SLC25A48: variants seen among roughly 807,000 people sequenced by gnomAD.
SLC25A48 encodes solute carrier family 25 member 48.
SLC25A48 carries 29 observed loss-of-function variants against 32.2 expected under a neutral mutation model. That is an observed-to-expected ratio of 0.90 (90% CI 0.67 to 1.23). The LOEUF is 1.23. Ranked by LOEUF, SLC25A48 falls within the 50% of genes most tolerant of loss-of-function variation. The pLI is 0.00. For synonymous variants in SLC25A48, 164 were observed against 172.3 expected (o/e 0.95, Z 0.38); for missense variants, 399 against 422.7 (o/e 0.94, Z 0.49).
chr5:135,798,597 A>G (rs747195022), intron 3 of SLC25A48, among the ~76,000 whole-genome samples: 8 of 151,476 alleles, frequency 5.3e-5, no homozygotes, highest in Non-Finnish European at 8.9e-5. Flanking sequence ...AGACGAAGGT[A>G]TTATGATTAA....
chr5:135,819,643 T>C (rs1757828326), intron 4 of SLC25A48, among the ~76,000 whole-genome samples: 1 of 152,198 alleles, frequency 6.6e-6, no homozygotes, highest in Non-Finnish European at 1.5e-5. Context: ...TGGGGGTTGA[T>C]ATAAATATTT....
chr5:135,868,175 T>C (rs1031026082), intron 4 of SLC25A48, among the ~76,000 whole-genome samples: 2 of 151,866 alleles, frequency 1.3e-5, no homozygotes, highest in African/African-American at 4.8e-5. Context: ...AAAACAAAAA[T>C]AAGAGGCCAG....
At chr5:135,856,616 G>C (rs551888335) in intron 4 of SLC25A48, among the ~76,000 whole-genome samples, 1 of 152,230 alleles carries the variant, frequency 6.6e-6, no homozygotes, top group African/African-American at 2.4e-5. Flanking sequence ...TGCAGCACGT[G>C]GGGAGACGCA....
At chr5:135,767,189 C>A (rs1342432405) in intron 3 of SLC25A48, among the ~76,000 whole-genome samples, 5 of 70,164 alleles carry the variant, frequency 7.1e-5, no homozygotes, top group East Asian at 7.1e-4. Flanking sequence ...ACAGGTACAC[C>A]CCCCCCCCGT....
intron 3 of SLC25A48, among the ~76,000 whole-genome samples, chr5:135,692,714 A>G (rs889204666): frequency 6.6e-6 from 1 of 152,208 alleles, no homozygotes; most frequent in South Asian, 2.1e-4. Context: ...GTTACATAGC[A>G]GAGTATCTCA....
intron 1 of SLC25A48, among the ~76,000 whole-genome samples, chr5:135,597,385 C>G (rs1209668586): frequency 6.6e-6 from 1 of 152,174 alleles, no homozygotes; most frequent in Non-Finnish European, 1.5e-5. Flanking sequence ...CAGGTTAGGG[C>G]TACCTGCCTC....
At chr5:135,707,950 C>T (rs978501851) in intron 3 of SLC25A48, among the ~76,000 whole-genome samples, 6 of 151,906 alleles carry the variant, frequency 3.9e-5, no homozygotes, top group Non-Finnish European at 8.8e-5. Flanking sequence ...ATGGATGGAT[C>T]GATGGATGGA....
At chr5:135,784,000 G>C (rs1300547769) in intron 3 of SLC25A48, among the ~76,000 whole-genome samples, 1 of 116,928 alleles carries the variant, frequency 8.6e-6, no homozygotes, top group Admixed American at 8.8e-5. Flanking sequence ...ATCGCAGGAC[G>C]TGTACACTTA....
intron 3 of SLC25A48, among the ~76,000 whole-genome samples, chr5:135,802,433 T>C (rs1757353740): frequency 6.6e-6 from 1 of 151,632 alleles, no homozygotes. Flanking sequence ...TTATTTATAA[T>C]ATCCTAGGGA....
At chr5:135,887,993 T>C (rs770752164) in intron 7 of SLC25A48, 39 bp from the exon 8 acceptor site, 3 of 1,544,702 alleles carry the variant, frequency 1.9e-6, no homozygotes, top group Admixed American at 2.0e-5. Context: ...GTTCTTTGCC[T>C]GCCTTCTTCT....
intron 3 of SLC25A48, among the ~76,000 whole-genome samples, chr5:135,754,293 TAC>T (rs1276412038): frequency 3.3e-5 from 4 of 121,552 alleles, no homozygotes; most frequent in Non-Finnish European, 8.2e-5. Flanking sequence ...GCGTTGACAC[TAC>T]ATATGATATG....
At chr5:135,740,166 G>T (rs908218945) in intron 3 of SLC25A48, among the ~76,000 whole-genome samples, 2 of 151,992 alleles carry the variant, frequency 1.3e-5, no homozygotes, top group African/African-American at 4.8e-5. Context: ...ATATGTGTGT[G>T]TGCATGTGTG....
Position 135,642,501 on chromosome 5 carries a change from T to C in SLC25A48, c.-521+7545T>C, listed in dbSNP as rs116628465. ...TGGCTCAAAGAGGTCTACAGCATGG[T>C]TCCCCAAAGAGCCGGGTGGAAATAG... is the stretch of plus-strand genomic sequence containing the variant. On this transcript the variant is annotated intron_variant, in intron 3 of 10. Coordinates refer to the SLC25A48 transcript ENST00000646290. 1.2e-3 allele frequency among the ~76,000 whole-genome samples: 183 copies of C among 152,340 alleles called. 1 individual carries two copies. The highest frequency in any genetic ancestry group is 4.2e-3 in the African/African-American group (176 of 41,572).
chr5:135,832,219 G>A (rs1407184769), upstream of SLC25A48, among the ~76,000 whole-genome samples: 4 of 152,244 alleles, frequency 2.6e-5, no homozygotes, highest in Non-Finnish European at 5.9e-5. Context: ...TGGGAGGTAC[G>A]GGTGGGTGAG....
intron 4 of SLC25A48, among the ~76,000 whole-genome samples, chr5:135,862,187 C>A (rs2126774601): frequency 6.6e-6 from 1 of 152,356 alleles, no homozygotes; most frequent in Admixed American, 6.5e-5. Flanking sequence ...CCCTGCAGAC[C>A]AGTAGTCCCT....
At chr5:135,714,276 C>T (rs895654852) in intron 3 of SLC25A48, among the ~76,000 whole-genome samples, 1 of 152,170 alleles carries the variant, frequency 6.6e-6, no homozygotes, top group East Asian at 1.9e-4. Flanking sequence ...CAGGAATGTG[C>T]CTAGCCTCCC....
At chr5:135,667,813 T>C (rs1753558508) in intron 3 of SLC25A48, among the ~76,000 whole-genome samples, 1 of 152,228 alleles carries the variant, frequency 6.6e-6, no homozygotes, top group Admixed American at 6.5e-5. Context: ...AACACCTTCA[T>C]TGTTTCTTTC....
chr5:135,731,522 C>T (rs188829002), intron 3 of SLC25A48, among the ~76,000 whole-genome samples: 11 of 152,176 alleles, frequency 7.2e-5, no homozygotes, highest in African/African-American at 1.9e-4. Flanking sequence ...TTAGGGGTGA[C>T]GTGGGAACCC....
At chr5:135,862,674 T>G (rs1296606727) in intron 4 of SLC25A48, among the ~76,000 whole-genome samples, 2 of 152,090 alleles carry the variant, frequency 1.3e-5, no homozygotes, top group African/African-American at 4.8e-5. Flanking sequence ...TTGATCGGGT[T>G]TTTTAGTTCT....
Sources: allele counts gnomAD v4.1 joint callset (sites outside exome capture counted in the v4.1 genomes callset), GRCh38; gene constraint gnomAD v4.1.1; transcripts MANE v1.5; gene names NCBI Gene and HGNC (gene_info 2026-07-23, HGNC 2026-07-21).